TENM3: variants seen among roughly 807,000 people sequenced by gnomAD.
TENM3 encodes teneurin-3.
A neutral mutation model predicts 255.1 loss-of-function variants in TENM3; 63 were observed. That is an observed-to-expected ratio of 0.25 (90% confidence interval 0.20 to 0.30). The LOEUF is 0.30. Among genes scored for constraint, TENM3 ranks in the 10% least tolerant of loss-of-function variants. The probability of loss-of-function intolerance (pLI) is 1.00; values close to 1 mark genes in which losing one functional copy is unlikely to be tolerated. For missense variants in TENM3, 2,929 were observed against 3,461.1 expected (o/e 0.85, Z 3.86); for synonymous variants, 1,306 against 1,322.3 (o/e 0.99, Z 0.27).
chr4:181,701,116 C>T, the TENM3 span, among the ~76,000 whole-genome samples: 1 of 152,138 alleles, frequency 6.6e-6, no homozygotes, highest in East Asian at 1.9e-4. Flanking sequence ...AGGAGCTAAT[C>T]TTCCGGGCAC....
chr4:182,546,364 C>T (rs1344445485), intron 3 of TENM3, among the ~76,000 whole-genome samples: 1 of 152,170 alleles, frequency 6.6e-6, no homozygotes. Flanking sequence ...CTGTAACATT[C>T]CAAGCACACA....
At chr4:181,841,076 A>G in the TENM3 span, among the ~76,000 whole-genome samples, 6 of 152,138 alleles carry the variant, frequency 3.9e-5, no homozygotes, top group Non-Finnish European at 7.4e-5. Context: ...TGGAGAACCT[A>G]TAAGTAAGAC....
At chr4:181,572,860 C>T in the TENM3 span, among the ~76,000 whole-genome samples, 1 of 152,110 alleles carries the variant, frequency 6.6e-6, no homozygotes, top group South Asian at 2.1e-4. Flanking sequence ...TATTTTTGTG[C>T]CCATTAATCA....
chr4:181,917,966 C>A, the TENM3 span, among the ~76,000 whole-genome samples: 1 of 151,908 alleles, frequency 6.6e-6, no homozygotes, highest in African/African-American at 2.4e-5. Context: ...CCGGCCTGTT[C>A]CTCAGGTTTC....
At chr4:182,508,066 G>A (rs995135866) in intron 3 of TENM3, among the ~76,000 whole-genome samples, 1 of 152,178 alleles carries the variant, frequency 6.6e-6, no homozygotes, top group Admixed American at 6.5e-5. Context: ...TGGGTGGACT[G>A]AAACAGTTCA....
At chr4:182,306,631 AC>A (rs1478134402) in intron 1 of TENM3, among the ~76,000 whole-genome samples, 6 of 152,088 alleles carry the variant, frequency 3.9e-5, no homozygotes, top group Non-Finnish European at 8.8e-5. Flanking sequence ...GGTGCTCTGA[AC>A]CCCATCTGAG....
At chr4:182,168,395 A>G (rs988695778) in intron 1 of TENM3, among the ~76,000 whole-genome samples, 15 of 152,112 alleles carry the variant, frequency 9.9e-5, no homozygotes, top group African/African-American at 3.6e-4. Context: ...TTGGCCTCCA[A>G]AAGTGTTGGG....
At chr4:181,983,331 G>A in the TENM3 span, among the ~76,000 whole-genome samples, 11 of 152,220 alleles carry the variant, frequency 7.2e-5, no homozygotes, top group Non-Finnish European at 1.3e-4. Context: ...GCAAACAAGC[G>A]AGAACACATA....
chr4:181,830,761 G>T, the TENM3 span, among the ~76,000 whole-genome samples: 1 of 152,174 alleles, frequency 6.6e-6, no homozygotes, highest in Non-Finnish European at 1.5e-5. Context: ...CAGATGGACT[G>T]AAATCTTTAA....
chr4:181,696,291 C>A, the TENM3 span, among the ~76,000 whole-genome samples: 4 of 152,216 alleles, frequency 2.6e-5, no homozygotes, highest in African/African-American at 9.6e-5. Context: ...GAAGGCAACA[C>A]GGCTTTCCAT....
At chr4:182,408,298 G>A (rs1769729827) in intron 3 of TENM3, among the ~76,000 whole-genome samples, 1 of 152,110 alleles carries the variant, frequency 6.6e-6, no homozygotes, top group Non-Finnish European at 1.5e-5. Flanking sequence ...ATTCCTCCCA[G>A]AGGCCCTTTC....
At chr4:181,980,164 G>A in the TENM3 span, 2 of 152,252 alleles carry the variant, frequency 1.3e-5, no homozygotes, top group Non-Finnish European at 2.9e-5. Flanking sequence ...TGGAGGAGGG[G>A]AATGCCAGTT....
At chr4:182,644,435 G>T (rs1435799880) in intron 5 of TENM3, among the ~76,000 whole-genome samples, 1 of 152,086 alleles carries the variant, frequency 6.6e-6, no homozygotes, top group Non-Finnish European at 1.5e-5. Flanking sequence ...TGTTCCACAT[G>T]CTGGCTTTTA....
chr4:182,747,630 C>G (rs748177295), intron 19 of TENM3, among the ~76,000 whole-genome samples: 4 of 152,150 alleles, frequency 2.6e-5, no homozygotes, highest in Non-Finnish European at 5.9e-5. Flanking sequence ...CATTAATTAA[C>G]TAATACCAGC....
the TENM3 span, among the ~76,000 whole-genome samples, chr4:182,083,168 G>A: frequency 5.3e-5 from 8 of 152,136 alleles, no homozygotes; most frequent in African/African-American, 1.9e-4. Context: ...ATCTGAAACT[G>A]CTCATTTAAC....
At chr4:181,510,713 G>A in the TENM3 span, among the ~76,000 whole-genome samples, 4 of 152,150 alleles carry the variant, frequency 2.6e-5, no homozygotes, top group South Asian at 4.1e-4. Context: ...AAGGTAACAC[G>A]CAGCCAATGG....
chr4:181,482,621 A>C, the TENM3 span, among the ~76,000 whole-genome samples: 1 of 152,102 alleles, frequency 6.6e-6, no homozygotes, highest in Non-Finnish European at 1.5e-5. Context: ...TTTGTTGATG[A>C]CTGTTTTCCC....
intron 20 of TENM3, among the ~76,000 whole-genome samples, chr4:182,752,741 T>C (rs1762460511): frequency 6.6e-6 from 1 of 152,154 alleles, no homozygotes; most frequent in Middle Eastern, 3.2e-3. Context: ...AACAAAACAC[T>C]AACCTTGGCT....
chr4:181,929,777 G>A, the TENM3 span, among the ~76,000 whole-genome samples: 3 of 152,076 alleles, frequency 2.0e-5, no homozygotes, highest in Non-Finnish European at 2.9e-5. Flanking sequence ...CCACATAATA[G>A]GAGGTAAAAC....
Sources: gnomAD v4.1 joint callset for allele counts (sites outside exome capture counted in the v4.1 genomes callset) on GRCh38, gnomAD v4.1.1 for gene constraint, MANE v1.5 for transcripts, NCBI Gene and HGNC (gene_info 2026-07-23, HGNC 2026-07-21) for gene names.